The following GPC5 variants were observed in gnomAD, a reference collection of about 807,000 sequenced individuals.
GPC5 encodes the protein glypican-5.
In GPC5, 47 loss-of-function variants were observed where a neutral mutation model predicts 53.9. The ratio of observed to expected loss-of-function variants is 0.87; its 90% CI spans 0.69 to 1.11. GPC5 has a LOEUF of 1.11. GPC5 is among the 50% of genes most tolerant of loss of function. The pLI, the probability that GPC5 is intolerant of heterozygous loss-of-function variation, is 0.00. For synonymous variants in GPC5, 286 were observed against 263.3 expected, an observed-to-expected ratio of 1.09 and a Z score of -0.84; for missense variants, 748 against 713.1, an observed-to-expected ratio of 1.05 and a Z score of -0.56.
chr13:91,984,619 T>C (rs2040390266), intron 6 of GPC5, among the ~76,000 whole-genome samples: 1 of 152,224 alleles, frequency 6.6e-6, no homozygotes, highest in South Asian at 2.1e-4. Flanking sequence ...ATTTTTGTGG[T>C]GTATAGTTGT....
At chr13:91,529,017 G>A (rs1281050519) in intron 2 of GPC5, among the ~76,000 whole-genome samples, 2 of 152,102 alleles carry the variant, frequency 1.3e-5, no homozygotes, top group Non-Finnish European at 2.9e-5. Context: ...GGGACACAAA[G>A]CCAAATCATA....
intron 7 of GPC5, among the ~76,000 whole-genome samples, chr13:92,367,466 T>G (rs567987623): frequency 6.6e-6 from 1 of 152,328 alleles, no homozygotes; most frequent in African/African-American, 2.4e-5. Flanking sequence ...AAAAGCATTT[T>G]GTTATTTTAG....
intron 7 of GPC5, among the ~76,000 whole-genome samples, chr13:92,426,774 A>T (rs1458982198): frequency 6.6e-6 from 1 of 152,116 alleles, no homozygotes; most frequent in Admixed American, 6.6e-5. Context: ...GATGGAGGAC[A>T]GAGGGCAAAA....
At chr13:91,954,098 T>G (rs2040051718) in intron 6 of GPC5, among the ~76,000 whole-genome samples, 1 of 152,198 alleles carries the variant, frequency 6.6e-6, no homozygotes, top group African/African-American at 2.4e-5. Flanking sequence ...TGATTTAAAA[T>G]CTTTAAATCT....
At chr13:92,337,841 CA>C (rs1213989607) in intron 7 of GPC5, among the ~76,000 whole-genome samples, 2 of 152,014 alleles carry the variant, frequency 1.3e-5, no homozygotes, top group African/African-American at 4.8e-5. Flanking sequence ...ATGTAAAACG[CA>C]AAATTATAAA....
chr13:92,168,549 G>T (rs1048562072), intron 7 of GPC5, among the ~76,000 whole-genome samples: 5 of 152,122 alleles, frequency 3.3e-5, no homozygotes, highest in African/African-American at 1.2e-4. Flanking sequence ...CTTCTTGAAA[G>T]ACATTTATGT....
chr13:92,417,072 G>A (rs1049432033), intron 7 of GPC5, among the ~76,000 whole-genome samples: 7 of 152,142 alleles, frequency 4.6e-5, no homozygotes, highest in East Asian at 1.9e-4. Context: ...TGTAAGTCAC[G>A]CCGTTGTAAG....
At position 91,850,009 on chromosome 13, in the gene GPC5, C is replaced by T. The variant is rs372989421; in HGVS notation, c.1281-57928C>T. ...GCAGGTATTGAGATTTCTTTCTTCT[C>T]CCAGTATATCAAACTGGCACTTAAT... On this transcript the variant is annotated intron_variant, in intron 5 of 7. Coordinates refer to ENST00000377067, the MANE Select transcript of GPC5 (RefSeq NM_004466.6). 3.2e-3 allele frequency among the ~76,000 whole-genome samples: 484 copies of T among 152,252 alleles called. 25 individuals carry two copies. The South Asian group carries it at 0.093, about 29-fold the overall frequency.
At chr13:92,396,442 T>G (rs918362815) in intron 7 of GPC5, among the ~76,000 whole-genome samples, 5 of 152,116 alleles carry the variant, frequency 3.3e-5, no homozygotes, top group African/African-American at 1.2e-4. Context: ...ATGTTACCTA[T>G]CTGATGAGTC....
chr13:92,862,969 G>T (rs1026202638), intron 7 of GPC5, among the ~76,000 whole-genome samples: 2 of 152,104 alleles, frequency 1.3e-5, no homozygotes, highest in African/African-American at 4.8e-5. Flanking sequence ...AGAAGGTGCT[G>T]TCCTCTCAGA....
chr13:92,285,616 AC>A (rs1340215407), intron 7 of GPC5, among the ~76,000 whole-genome samples: 1 of 152,226 alleles, frequency 6.6e-6, no homozygotes, highest in African/African-American at 2.4e-5. Context: ...TCTTTGTCAA[AC>A]CTGACAAAAA....
At chr13:92,509,685 T>C (rs1030989891) in intron 7 of GPC5, 2 of 152,132 alleles carry the variant, frequency 1.3e-5, no homozygotes, top group African/African-American at 4.8e-5. Context: ...AAATAACTGA[T>C]TTCAAGACAG....
chr13:92,719,653 A>T (rs1164191409), intron 7 of GPC5, among the ~76,000 whole-genome samples: 1 of 152,196 alleles, frequency 6.6e-6, no homozygotes, highest in East Asian at 1.9e-4. Flanking sequence ...AGATATTATA[A>T]TCCCAAATTT....
intron 7 of GPC5, among the ~76,000 whole-genome samples, chr13:92,717,269 G>C (rs1029025657): frequency 1.3e-5 from 2 of 152,166 alleles, no homozygotes; most frequent in Admixed American, 6.6e-5. Context: ...CCTCCAGCAA[G>C]AGGGAAAAAG....
intron 6 of GPC5, among the ~76,000 whole-genome samples, chr13:92,122,127 C>A (rs577070794): frequency 6.6e-6 from 1 of 152,224 alleles, no homozygotes; most frequent in African/African-American, 2.4e-5. Context: ...AGATGCAGAT[C>A]AAGCAGTAAT....
intron 5 of GPC5, among the ~76,000 whole-genome samples, chr13:91,843,709 C>T (rs1231037690): frequency 6.6e-6 from 1 of 152,082 alleles, no homozygotes; most frequent in African/African-American, 2.4e-5. Context: ...GTGGCTGGCC[C>T]AGCAGATTGG....
intron 7 of GPC5, among the ~76,000 whole-genome samples, chr13:92,648,675 T>C (rs550647541): frequency 6.6e-6 from 1 of 152,308 alleles, no homozygotes; most frequent in East Asian, 1.9e-4. Context: ...TATTCAGTCT[T>C]TAATATATTT....
intron 3 of GPC5, among the ~76,000 whole-genome samples, chr13:91,708,270 T>A (rs1389255717): frequency 1.3e-5 from 2 of 151,714 alleles, no homozygotes; most frequent in Non-Finnish European, 2.9e-5. Flanking sequence ...GTTTTTTGTT[T>A]TTGTTTTTTT....
At chr13:92,101,442 T>C (rs1291707205) in intron 6 of GPC5, among the ~76,000 whole-genome samples, 1 of 152,190 alleles carries the variant, frequency 6.6e-6, no homozygotes, top group East Asian at 1.9e-4. Context: ...TTATGTCAGT[T>C]ACCACGGACT....
Sources: allele counts gnomAD v4.1 joint callset (sites outside exome capture counted in the v4.1 genomes callset), GRCh38; gene constraint gnomAD v4.1.1; transcripts MANE v1.5; gene names NCBI Gene and HGNC (gene_info 2026-07-23, HGNC 2026-07-21).